The following GPR89B variants were observed in gnomAD, a reference collection of about 807,000 sequenced individuals.
GPR89B encodes the protein golgi pH regulator B.
Under a neutral mutation model 52.4 loss-of-function variants are expected in GPR89B, and 25 were observed. That is an observed-to-expected ratio of 0.48 (90% CI 0.35 to 0.67). GPR89B has a LOEUF of 0.67. Ranked by LOEUF, GPR89B falls within the 30% of genes least tolerant of loss-of-function variation. The probability of loss-of-function intolerance (pLI) is 0.01; values close to 1 mark genes in which losing one functional copy is unlikely to be tolerated. For missense variants in GPR89B, 146 were observed against 450.2 expected (o/e 0.32, Z 6.11); for synonymous variants, 52 against 151.2 (o/e 0.34, Z 4.81).
the GPR89B span, among the ~76,000 whole-genome samples, chr1:148,022,952 T>C: frequency 2.6e-5 from 4 of 152,042 alleles, no homozygotes; most frequent in Non-Finnish European, 5.9e-5. Flanking sequence ...TTTAGTGTAC[T>C]ATAATTTTTG....
At chr1:147,942,132 T>A (rs1197647535) in intron 3 of GPR89B, among the ~76,000 whole-genome samples, 1 of 151,900 alleles carries the variant, frequency 6.6e-6, no homozygotes, top group Non-Finnish European at 1.5e-5. Context: ...ATAATACAAT[T>A]AAAAAATGAA....
At chr1:147,975,702 T>C (rs1657784712) in intron 10 of GPR89B, among the ~76,000 whole-genome samples, 1 of 152,228 alleles carries the variant, frequency 6.6e-6, no homozygotes, top group Non-Finnish European at 1.5e-5. Context: ...CTGCTAGCTT[T>C]GGGGTTTGTT....
At chr1:147,935,146 G>A (rs1653972195) in intron 1 of GPR89B, among the ~76,000 whole-genome samples, 1 of 152,188 alleles carries the variant, frequency 6.6e-6, no homozygotes, top group Non-Finnish European at 1.5e-5. Flanking sequence ...TCTGCATTTG[G>A]GAGGGCAGAG....
the GPR89B span, among the ~76,000 whole-genome samples, chr1:148,020,605 A>C: frequency 1.3e-5 from 2 of 151,570 alleles, no homozygotes; most frequent in African/African-American, 4.9e-5. Context: ...CTAATAAAGA[A>C]AAAAAAGGAG....
intron 10 of GPR89B, among the ~76,000 whole-genome samples, chr1:147,976,960 C>T (rs1307597585): frequency 1.3e-5 from 2 of 151,650 alleles, no homozygotes; most frequent in Non-Finnish European, 2.9e-5. Context: ...TTGAGCTGGG[C>T]GTGGTGGCTC....
At chr1:148,016,996 TCTTG>T in the GPR89B span, among the ~76,000 whole-genome samples, 2,350 of 151,178 alleles carry the variant, frequency 0.016, 67 homozygotes, top group African/African-American at 0.04. Flanking sequence ...TTTGGTTTTG[TCTTG>T]CTTGCTTGCT....
chr1:147,990,542 T>C (rs1185064735), intron 12 of GPR89B, among the ~76,000 whole-genome samples: 1 of 152,134 alleles, frequency 6.6e-6, no homozygotes, highest in Non-Finnish European at 1.5e-5. Flanking sequence ...GTCCTGAATG[T>C]TATTGCCTAG....
chr1:147,935,961 T>G (rs1654047882), intron 1 of GPR89B, among the ~76,000 whole-genome samples: 3 of 152,220 alleles, frequency 2.0e-5, no homozygotes, highest in African/African-American at 7.2e-5. Context: ...CAGGCTAGTA[T>G]TATTTTTAAA....
chr1:147,969,034 T>G, intron 9 of GPR89B, 71 bp downstream of exon 9: 2 of 1,272,166 alleles, frequency 1.6e-6, no homozygotes, highest in Non-Finnish European at 2.2e-6. Flanking sequence ...TAAATGGCTT[T>G]TTAGATTTCT....
At chr1:147,977,515 A>T (rs1657931782) in intron 10 of GPR89B, among the ~76,000 whole-genome samples, 1 of 151,920 alleles carries the variant, frequency 6.6e-6, no homozygotes, top group African/African-American at 2.4e-5. Context: ...TAGCTTGAAG[A>T]AGTTCTGGCC....
intron 11 of GPR89B, 73 bp from the exon 12 acceptor site, chr1:147,988,359 T>C (rs1260492336): frequency 1.3e-6 from 2 of 1,596,288 alleles, no homozygotes; most frequent in South Asian, 2.2e-5. Context: ...ATGTAAATGA[T>C]TGGGATATAG....
rs1659194326 is a variant in GPR89B at position 147,993,229 on chromosome 1, A to G, written c.*312A>G. On this transcript the variant is annotated 3_prime_UTR_variant, in exon 14 of 14. Coordinates refer to ENST00000314163, the MANE Select transcript of GPR89B (RefSeq NM_016334.5). ...AAAAATACACTGGAACTCTGGGGCAAGAGATGTCTATGGTAGCTGAGCCAA... is the reference window on the plus strand; with the variant it reads ...AAAAATACACTGGAACTCTGGGGCAGGAGATGTCTATGGTAGCTGAGCCAA... 9.1e-6 allele frequency: 9 copies of G among 991,810 alleles called. No individual in the cohort carries two copies. Among genetic ancestry groups the G allele is most frequent in the Non-Finnish European group, 1.3e-5 (9 of 714,866 alleles). 61.4% of individuals were successfully genotyped at this position (991,810 alleles called of 1,614,324 possible).
intron 8 of GPR89B, 163 bp from the exon 9 acceptor site, chr1:147,968,712 G>T (rs1305884895): frequency 1.6e-5 from 16 of 1,004,192 alleles, no homozygotes; most frequent in Non-Finnish European, 2.3e-5. Context: ...GTCAGAGGTT[G>T]GGAAAGTTGC....
intron 7 of GPR89B, among the ~76,000 whole-genome samples, chr1:147,961,687 C>T (rs1391422271): frequency 1.3e-4 from 19 of 151,992 alleles, no homozygotes; most frequent in South Asian, 2.1e-4. Flanking sequence ...AAGCTAGCAA[C>T]GGACATATGA....
chr1:147,971,418 T>C (rs1657454177), intron 10 of GPR89B, among the ~76,000 whole-genome samples: 1 of 148,500 alleles, frequency 6.7e-6, no homozygotes, highest in African/African-American at 2.5e-5. Context: ...CCCAAAGTGC[T>C]GGGACTACAG....
downstream of GPR89B, among the ~76,000 whole-genome samples, chr1:147,997,162 C>T (rs1659333943): frequency 6.6e-6 from 1 of 152,056 alleles, no homozygotes; most frequent in East Asian, 1.9e-4. Flanking sequence ...CTGGCTTTTC[C>T]TTTCGGTAAG....
intron 1 of GPR89B, among the ~76,000 whole-genome samples, chr1:147,934,526 C>T (rs587705087): frequency 6.2e-4 from 94 of 152,196 alleles, no homozygotes; most frequent in Middle Eastern, 6.8e-3. Flanking sequence ...TGGTGGAAAC[C>T]TTTGACTGTG....
In GPR89B at chr1:147,993,478, C is replaced by G. The variant is rs1480027282; in HGVS notation, c.*561C>G. The G allele has an allele frequency of 1.7e-5, 3 of 177,808 alleles. No individual in the cohort carries two copies. The highest frequency in any genetic ancestry group is 3.6e-5 in the Non-Finnish European group (3 of 82,786). The allele number at this position is 177,808 out of a possible 1,614,324, so 11.0% of individuals were successfully genotyped here. A position where few individuals can be genotyped will look rare whatever the true frequency, so the allele number is the denominator to read the frequency against. The stretch of plus-strand genomic sequence containing the variant: ...AACCAAGAGGTTATCTGTTCTTTTC[C>G]GGGAAAGGGGTGGTATGCACCTGAA... On this transcript the variant is annotated 3_prime_UTR_variant, in exon 14 of 14. Coordinates refer to ENST00000314163, the MANE Select transcript of GPR89B (RefSeq NM_016334.5).
At chr1:148,004,142 C>T in the GPR89B span, among the ~76,000 whole-genome samples, 1 of 143,602 alleles carries the variant, frequency 7.0e-6, no homozygotes, top group Non-Finnish European at 1.5e-5. Context: ...TACCAGCTAA[C>T]TGATATGTAT....
Sources: gnomAD v4.1 joint callset for allele counts (sites outside exome capture counted in the v4.1 genomes callset) on GRCh38, gnomAD v4.1.1 for gene constraint, MANE v1.5 for transcripts, NCBI Gene and HGNC (gene_info 2026-07-23, HGNC 2026-07-21) for gene names.